Variants in BRINP3 observed in about 807,000 individuals in gnomAD.
BRINP3 encodes the protein BMP/retinoic acid inducible neural specific 3.
BRINP3 carries 19 observed loss-of-function variants against 71.0 expected under a neutral mutation model. The observed-to-expected ratio is 0.27, with a 90% CI of 0.19 to 0.39. The LOEUF (loss-of-function observed/expected upper bound fraction) is 0.39, where lower values mean the gene tolerates loss of function less well. Among genes scored for constraint, BRINP3 ranks in the 10% least tolerant of loss-of-function variants. The pLI, the probability that BRINP3 is intolerant of heterozygous loss-of-function variation, is 1.00. For missense variants in BRINP3, 959 were observed against 940.8 expected (o/e 1.02, Z -0.25); for synonymous variants, 380 against 337.7 (o/e 1.13, Z -1.37).
At chr1:190,474,683 CCAG>C (rs1411149073) in intron 1 of BRINP3, 1 of 152,222 alleles carries the variant, frequency 6.6e-6, no homozygotes, top group Non-Finnish European at 1.5e-5. Flanking sequence ...ACGGCGTTTC[CCAG>C]CAGAATTCCT....
chr1:190,375,488 G>A (rs761741400), intron 2 of BRINP3, among the ~76,000 whole-genome samples: 2 of 151,706 alleles, frequency 1.3e-5, no homozygotes, highest in African/African-American at 4.8e-5. Context: ...AAAGCAAAAG[G>A]CATAACAAAC....
intron 2 of BRINP3, among the ~76,000 whole-genome samples, chr1:190,385,453 T>C (rs1313984527): frequency 6.6e-6 from 1 of 151,694 alleles, no homozygotes; most frequent in Non-Finnish European, 1.5e-5. Context: ...AAGAAGACAT[T>C]TATGCAGCCA....
At chr1:190,298,445 T>A (rs1664418405) in intron 2 of BRINP3, among the ~76,000 whole-genome samples, 1 of 152,106 alleles carries the variant, frequency 6.6e-6, no homozygotes, top group African/African-American at 2.4e-5. Flanking sequence ...TTTTTTCTTT[T>A]CTACATGAAA....
At chr1:190,220,496 A>C (rs926028878) in intron 6 of BRINP3, among the ~76,000 whole-genome samples, 8 of 152,108 alleles carry the variant, frequency 5.3e-5, no homozygotes, top group Non-Finnish European at 1.2e-4. Context: ...CCTATGTAAC[A>C]AAACTGCACG....
chr1:190,343,161 G>A (rs1667780918), intron 2 of BRINP3, among the ~76,000 whole-genome samples: 1 of 151,836 alleles, frequency 6.6e-6, no homozygotes, highest in Non-Finnish European at 1.5e-5. Flanking sequence ...CATGTATAAT[G>A]AGGAAGAACC....
At chr1:190,409,948 C>T (rs1672554571) in intron 2 of BRINP3, among the ~76,000 whole-genome samples, 1 of 152,098 alleles carries the variant, frequency 6.6e-6, no homozygotes. Context: ...AACCATTAGA[C>T]TGTTTTAAGC....
chr1:190,316,546 T>C (rs2103038591), intron 2 of BRINP3, among the ~76,000 whole-genome samples: 1 of 152,206 alleles, frequency 6.6e-6, no homozygotes, highest in African/African-American at 2.4e-5. Context: ...ATATGGTTAA[T>C]ATAAACTATC....
chr1:190,279,198 G>A (rs575744590), intron 3 of BRINP3, among the ~76,000 whole-genome samples: 64 of 151,812 alleles, frequency 4.2e-4, no homozygotes, highest in African/African-American at 1.5e-3. Flanking sequence ...AGATTTTATT[G>A]CATTAATAAT....
At chr1:190,133,936 C>G (rs1654756104) in intron 7 of BRINP3, among the ~76,000 whole-genome samples, 1 of 152,026 alleles carries the variant, frequency 6.6e-6, no homozygotes, top group Non-Finnish European at 1.5e-5. Flanking sequence ...TCAAACCAGA[C>G]ACATAAAACA....
chr1:190,427,828 T>A (rs1021404429), intron 2 of BRINP3, among the ~76,000 whole-genome samples: 2 of 151,990 alleles, frequency 1.3e-5, no homozygotes, highest in Admixed American at 6.6e-5. Flanking sequence ...ACCAATTATT[T>A]TATCAGCCAG....
chr1:190,162,366 A>G (rs77519440), intron 6 of BRINP3, among the ~76,000 whole-genome samples: 2,621 of 151,866 alleles, frequency 0.017, 63 homozygotes, highest in African/African-American at 0.059. Flanking sequence ...GTAATTTTTT[A>G]GCTGACCAAC....
Position 190,103,748 on chromosome 1 carries a change from C to A in BRINP3, c.1185-4614G>T, listed in dbSNP as rs183929429. Among the ~76,000 whole-genome samples the A allele has an allele frequency of 1.5e-3, 221 of 152,054 alleles. 1 individual carries two copies. The highest frequency in any genetic ancestry group is 5.3e-3 in the African/African-American group (218 of 41,500). On this transcript the variant is annotated intron_variant, in intron 7 of 7. Transcript: ENST00000367462. ...CTTTTAATTTATATGCATTTTGGGGCTCCGTGGCAACTATGTACAATAAAA... is the reference window on the plus strand; with the variant it reads ...CTTTTAATTTATATGCATTTTGGGGATCCGTGGCAACTATGTACAATAAAA...
At chr1:190,179,578 A>G (rs1377672617) in intron 6 of BRINP3, among the ~76,000 whole-genome samples, 6 of 152,256 alleles carry the variant, frequency 3.9e-5, no homozygotes, top group Non-Finnish European at 2.9e-5. Flanking sequence ...AGTAATTATT[A>G]ATGCTCTATT....
chr1:190,325,193 T>TA (rs1011641366), intron 2 of BRINP3, among the ~76,000 whole-genome samples: 4 of 151,940 alleles, frequency 2.6e-5, no homozygotes, highest in Admixed American at 1.3e-4. Context: ...TTTTCTGTAA[T>TA]AAAAAATAGA....
chr1:190,172,677 T>G (rs1652125030), intron 6 of BRINP3, among the ~76,000 whole-genome samples: 1 of 152,164 alleles, frequency 6.6e-6, no homozygotes, highest in Admixed American at 6.6e-5. Context: ...AATTCCAGTT[T>G]AGACTTTATC....
intron 6 of BRINP3, 67 bp from the exon 7 acceptor site, chr1:190,160,957 A>T: frequency 9.0e-7 from 1 of 1,109,104 alleles, no homozygotes; most frequent in Non-Finnish European, 1.3e-6. Context: ...ACAAACACGT[A>T]TGTCAATATT....
intron 2 of BRINP3, among the ~76,000 whole-genome samples, chr1:190,301,191 A>G (rs1388932429): frequency 4.7e-4 from 29 of 61,508 alleles, no homozygotes; most frequent in Non-Finnish European, 8.7e-4. Context: ...ATATATGTAT[A>G]TATATACACA....
chr1:190,199,779 A>AC (rs1213678335), intron 6 of BRINP3, among the ~76,000 whole-genome samples: 1,794 of 150,632 alleles, frequency 0.012, 22 homozygotes, highest in African/African-American at 0.034. Flanking sequence ...AGGAAAAAAA[A>AC]AAAAACAAAA....
chr1:190,197,497 G>A (rs1654593331), intron 6 of BRINP3, among the ~76,000 whole-genome samples: 1 of 152,212 alleles, frequency 6.6e-6, no homozygotes, highest in Admixed American at 6.5e-5. Flanking sequence ...TAGATACAAT[G>A]GGGGTACAGG....
Sources: gnomAD v4.1 joint callset for allele counts (sites outside exome capture counted in the v4.1 genomes callset) on GRCh38, gnomAD v4.1.1 for gene constraint, MANE v1.5 for transcripts, NCBI Gene and HGNC (gene_info 2026-07-23, HGNC 2026-07-21) for gene names.